Variants in RGS3 observed in about 807,000 individuals in gnomAD.
RGS3 encodes the protein regulator of G-protein signalling 3.
Under a neutral mutation model 132.6 loss-of-function variants are expected in RGS3, and 80 were observed. The observed-to-expected ratio is 0.60, with a 90% CI of 0.50 to 0.73. The LOEUF (loss-of-function observed/expected upper bound fraction) is 0.73. Among genes scored for constraint, RGS3 ranks in the 30% least tolerant of loss-of-function variants. RGS3 has a pLI of 0.00. For missense variants in RGS3, 1,382 were observed against 1,530.8 expected (o/e 0.90, Z 1.62); for synonymous variants, 598 against 620.6 (o/e 0.96, Z 0.54).
At chr9:113,590,036 AG>A (rs1835338543) in intron 20 of RGS3, 1 of 152,224 alleles carries the variant, frequency 6.6e-6, no homozygotes, top group African/African-American at 2.4e-5. Flanking sequence ...ATTCTCAGGA[AG>A]GAGGCAGCAC....
At chr9:113,594,282 C>T (rs1226453450) in intron 21 of RGS3, 148 bp from the exon 20 acceptor site, 2 of 1,604,136 alleles carry the variant, frequency 1.2e-6, no homozygotes, top group African/African-American at 2.7e-5. Context: ...CAGAGATGCT[C>T]CGAGGCATGT....
intron 19 of RGS3, among the ~76,000 whole-genome samples, chr9:113,570,923 A>G (rs1834259453): frequency 6.6e-6 from 1 of 152,198 alleles, no homozygotes; most frequent in Non-Finnish European, 1.5e-5. Flanking sequence ...GGCATGAGTC[A>G]CTGCACCCGG....
chr9:113,445,188 CTTTTTTT>C (rs763073048), intron 1 of RGS3, among the ~76,000 whole-genome samples: 1 of 142,984 alleles, frequency 7.0e-6, no homozygotes, highest in East Asian at 2.0e-4. Flanking sequence ...TTTTCTTTTT[CTTTTTTT>C]TTTTTGTTTT....
chr9:113,541,461 C>G (rs1250573073), intron 19 of RGS3: 4 of 1,607,560 alleles, frequency 2.5e-6, no homozygotes, highest in Non-Finnish European at 3.4e-6. Context: ...CTTCTGGCAA[C>G]TTAACCCTTT....
At chr9:113,508,643 C>T in intron 14 of RGS3, 63 bp downstream of exon 12, 1 of 1,559,398 alleles carries the variant, frequency 6.4e-7, no homozygotes, top group Non-Finnish European at 8.8e-7. Flanking sequence ...CAGCTGAGGC[C>T]TGGCCCAGCC....
intron 17 of RGS3, among the ~76,000 whole-genome samples, chr9:113,525,913 C>G (rs1376551013): frequency 1.3e-5 from 2 of 152,240 alleles, no homozygotes; most frequent in Admixed American, 6.5e-5. Context: ...TCCCCCAGGG[C>G]TCCTGGGTGG....
chr9:113,473,499 C>T (rs1318329106), intron 3 of RGS3, among the ~76,000 whole-genome samples: 1 of 152,210 alleles, frequency 6.6e-6, no homozygotes, highest in African/African-American at 2.4e-5. Flanking sequence ...CCTCCCACCT[C>T]AGCCTCCTGA....
chr9:113,581,577 G>C (rs543736401), intron 19 of RGS3: 9 of 152,372 alleles, frequency 5.9e-5, no homozygotes, highest in African/African-American at 2.2e-4. Context: ...GAGCTTTCCA[G>C]CTTTTCCAGC....
At position 113,591,865 on chromosome 9, in the gene RGS3, GC is replaced by G; in HGVS notation, c.3080+469del. ...GCTGCTGGCCCAGCTGCCGAATCCCGCACTCGCCAAGCCTTTCTGGCCACAC... is the reference window on the plus strand; with the variant it reads ...GCTGCTGGCCCAGCTGCCGAATCCCGACTCGCCAAGCCTTTCTGGCCACAC... On this transcript the variant is annotated intron_variant, in intron 21 of 24. Transcript: ENST00000350696. The surrounding 1 kb of genome is among the most constrained non-coding windows in gnomAD (Gnocchi z 4.4). The G allele has an allele frequency of 5.9e-6, 1 of 170,630 alleles. No individual in the cohort carries two copies. Among genetic ancestry groups the G allele is most frequent in the Non-Finnish European group, 1.3e-5 (1 of 77,236 alleles). 10.6% of individuals were successfully genotyped at this position (170,630 alleles called of 1,614,324 possible). A position where few individuals can be genotyped will look rare whatever the true frequency, so the allele number is the denominator to read the frequency against.
rs1349532848 is a variant in RGS3, at chr9:113,594,169, G to A, written c.3081-261G>A. Reference sequence around the variant, plus strand: ...ATTCCAGAGAGCGTGTGTGGCTGCAGCCTGCACCGTTGCTGCCCGCTGCCC... The same window carrying A: ...ATTCCAGAGAGCGTGTGTGGCTGCAACCTGCACCGTTGCTGCCCGCTGCCC... On this transcript the variant is annotated intron_variant, in intron 21 of 24. Transcript: ENST00000350696. The A allele has an allele frequency of 5.0e-6, 8 of 1,612,980 alleles. No homozygotes were observed. The Admixed American group carries it at 6.7e-5, about 13-fold the overall frequency.
chr9:113,540,421 T>G (rs761663145), intron 19 of RGS3, among the ~76,000 whole-genome samples: 1 of 152,230 alleles, frequency 6.6e-6, no homozygotes, highest in African/African-American at 2.4e-5. Context: ...CGCTATGGAA[T>G]TCTCCTAATA....
intron 19 of RGS3, among the ~76,000 whole-genome samples, chr9:113,560,181 G>T (rs1259471336): frequency 6.6e-6 from 1 of 152,206 alleles, no homozygotes; most frequent in Admixed American, 6.5e-5. Context: ...GACTGTCCAT[G>T]GGAGGGGAGG....
At chr9:113,596,207 G>A (rs933842558) in intron 24 of RGS3, among the ~76,000 whole-genome samples, 6 of 152,190 alleles carry the variant, frequency 3.9e-5, no homozygotes, top group Non-Finnish European at 7.3e-5. Context: ...GGTGATGGGC[G>A]CCTGTGGTCC....
chr9:113,555,186 T>C (rs1280771393), intron 19 of RGS3, among the ~76,000 whole-genome samples: 1 of 152,224 alleles, frequency 6.6e-6, no homozygotes, highest in African/African-American at 2.4e-5. Flanking sequence ...TTAATGACTT[T>C]AGCTTCAGAA....
Position 113,480,230 on chromosome 9 carries a change from G to A in RGS3, c.466+689G>A, listed in dbSNP as rs148037434. Among the ~76,000 whole-genome samples the A allele has an allele frequency of 1.5e-3, 225 of 152,142 alleles. 2 individuals carry two copies. The highest frequency in any genetic ancestry group is 0.013 in the East Asian group (69 of 5,168). ...ACCCAGCACTTTGGGAGGCCGAGGC[G>A]GGCAGATCACGCGGTCAGGAGTTCA... On this transcript the variant is annotated intron_variant, in intron 4 of 24. Transcript: ENST00000350696.
intron 7 of RGS3, among the ~76,000 whole-genome samples, chr9:113,490,672 TAA>T (rs1830477817): frequency 6.9e-6 from 1 of 144,880 alleles, no homozygotes; most frequent in Admixed American, 7.1e-5. Flanking sequence ...ATAAATTATA[TAA>T]TATATAAAAT....
chr9:113,594,585 G>A, intron 22 of RGS3, 54 bp downstream of exon 20: 1 of 1,418,910 alleles, frequency 7.0e-7, no homozygotes. Context: ...GGCTCCCCGG[G>A]GAGTAGGACT....
At chr9:113,518,632 A>G (rs1253082395) in intron 16 of RGS3, among the ~76,000 whole-genome samples, 1 of 152,202 alleles carries the variant, frequency 6.6e-6, no homozygotes, top group Non-Finnish European at 1.5e-5. Context: ...AATGTACATT[A>G]TCTTTTTCAA....
intron 3 of RGS3, among the ~76,000 whole-genome samples, chr9:113,477,738 A>G (rs1158582043): frequency 6.6e-6 from 1 of 152,184 alleles, no homozygotes; most frequent in Non-Finnish European, 1.5e-5. Flanking sequence ...TGCAGCATTG[A>G]ACAATCAGAG....
Sources: allele counts gnomAD v4.1 joint callset (sites outside exome capture counted in the v4.1 genomes callset), GRCh38; gene constraint gnomAD v4.1.1; non-coding constraint Gnocchi (gnomAD v3.1); transcripts MANE v1.5; gene names NCBI Gene and HGNC (gene_info 2026-07-23, HGNC 2026-07-21).